FRY: variants seen among roughly 807,000 people sequenced by gnomAD.
FRY encodes FRY microtubule binding protein.
In FRY, 128 loss-of-function variants were observed where a neutral mutation model predicts 348.4. The ratio of observed to expected loss-of-function variants is 0.37; its 90% CI spans 0.32 to 0.43. The LOEUF (loss-of-function observed/expected upper bound fraction) is 0.43, where lower values mean the gene tolerates loss of function less well. Ranked by LOEUF, FRY falls within the 20% of genes least tolerant of loss-of-function variation. The pLI is 1.00. For synonymous variants in FRY, 1,370 were observed against 1,374.7 expected, an observed-to-expected ratio of 1.00 and a Z score of 0.08; for missense variants, 2,736 against 3,695.2, an observed-to-expected ratio of 0.74 and a Z score of 6.73.
intron 59 of FRY, among the ~76,000 whole-genome samples, chr13:32,291,055 G>A (rs1889324178): frequency 6.6e-6 from 1 of 152,044 alleles, no homozygotes. Context: ...GGTCAGGGGA[G>A]AGATCTGAAC....
At chr13:32,112,478 A>G (rs1334936515) in intron 3 of FRY, among the ~76,000 whole-genome samples, 1 of 152,190 alleles carries the variant, frequency 6.6e-6, no homozygotes, top group Admixed American at 6.5e-5. Flanking sequence ...ACCCAAGACC[A>G]TTTGATCATC....
intron 33 of FRY, among the ~76,000 whole-genome samples, chr13:32,210,149 C>A (rs915668893): frequency 6.6e-6 from 1 of 152,186 alleles, no homozygotes; most frequent in Non-Finnish European, 1.5e-5. Flanking sequence ...GCAGGTTTTT[C>A]TCTTCAAATT....
chr13:32,038,119 G>C (rs1872610563), intron 1 of FRY, among the ~76,000 whole-genome samples: 2 of 152,114 alleles, frequency 1.3e-5, no homozygotes. Context: ...AAATGCTCCT[G>C]GTTTAGAATA....
At chr13:32,051,890 G>A (rs1873353839) in intron 1 of FRY, among the ~76,000 whole-genome samples, 1 of 152,202 alleles carries the variant, frequency 6.6e-6, no homozygotes. Flanking sequence ...ATCATAACAT[G>A]GATGATATGG....
At chr13:32,122,445 A>C (rs1878726341) in intron 4 of FRY, among the ~76,000 whole-genome samples, 1 of 150,332 alleles carries the variant, frequency 6.7e-6, no homozygotes, top group African/African-American at 2.5e-5. Context: ...CCGCCTCAGA[A>C]AAAAAAAAAG....
chr13:32,076,821 A>G (rs1029286565), intron 1 of FRY, among the ~76,000 whole-genome samples: 3 of 152,046 alleles, frequency 2.0e-5, no homozygotes, highest in East Asian at 3.9e-4. Context: ...AGAAGAGTAT[A>G]TGGTTTAATT....
chr13:32,253,173 A>T (rs1887169560), intron 50 of FRY, among the ~76,000 whole-genome samples: 1 of 152,058 alleles, frequency 6.6e-6, no homozygotes, highest in African/African-American at 2.4e-5. Flanking sequence ...CAGAAATCTC[A>T]TGTCTCGTCT....
At chr13:32,252,780 C>T (rs894975730) in intron 50 of FRY, among the ~76,000 whole-genome samples, 1 of 152,036 alleles carries the variant, frequency 6.6e-6, no homozygotes, top group Admixed American at 6.5e-5. Context: ...TGCTAAAGTA[C>T]AAAGTGATAT....
intron 1 of FRY, among the ~76,000 whole-genome samples, chr13:32,068,452 C>T (rs559184847): frequency 2.0e-5 from 3 of 152,188 alleles, no homozygotes; most frequent in South Asian, 2.1e-4. Context: ...CCTTTGCGCA[C>T]GGATCTTGGC....
intron 2 of FRY, among the ~76,000 whole-genome samples, chr13:32,101,194 G>T (rs773592360): frequency 2.6e-5 from 4 of 152,004 alleles, no homozygotes; most frequent in Non-Finnish European, 5.9e-5. Context: ...TTGATTTCAG[G>T]TTTATGTGAG....
At chr13:32,121,435 G>A (rs1353477086) in intron 4 of FRY, among the ~76,000 whole-genome samples, 1 of 152,040 alleles carries the variant, frequency 6.6e-6, no homozygotes, top group Non-Finnish European at 1.5e-5. Context: ...CAACATCTAC[G>A]GGTTTTTTTG....
chr13:32,265,332 G>T, intron 53 of FRY, 118 bp from the exon 54 acceptor site: 1 of 954,076 alleles, frequency 1.0e-6, no homozygotes. Flanking sequence ...GAAAACAAAT[G>T]TCCCCATTTC....
At chr13:32,294,716 C>T (rs1274770158) in intron 60 of FRY, 146 bp downstream of exon 60, 10 of 709,806 alleles carry the variant, frequency 1.4e-5, no homozygotes, top group Non-Finnish European at 2.5e-5. Context: ...ACCAGAAACA[C>T]TCAGCTTTCA....
chr13:32,066,597 T>C (rs9533342), intron 1 of FRY, among the ~76,000 whole-genome samples: 9,194 of 152,280 alleles, frequency 0.06, 293 homozygotes, highest in Middle Eastern at 0.095. Flanking sequence ...TTGTGTAAGA[T>C]GTAGGATCTT....
At chr13:32,188,512 TAA>T (rs1239421788) in intron 28 of FRY, among the ~76,000 whole-genome samples, 1 of 152,170 alleles carries the variant, frequency 6.6e-6, no homozygotes, top group African/African-American at 2.4e-5. Context: ...GACTTTCTGG[TAA>T]AGTTCTCCCA....
intron 3 of FRY, among the ~76,000 whole-genome samples, chr13:32,108,170 A>G (rs921381454): frequency 2.0e-5 from 3 of 152,172 alleles, no homozygotes; most frequent in Non-Finnish European, 4.4e-5. Flanking sequence ...ATAGGCCTGC[A>G]TGTGTAAGAA....
At chr13:32,133,776 T>TC (rs1308099484) in intron 8 of FRY, among the ~76,000 whole-genome samples, 3 of 140,460 alleles carry the variant, frequency 2.1e-5, no homozygotes, top group Non-Finnish European at 4.7e-5. Context: ...TTCTTTTTTT[T>TC]TTTTTTTTTT....
At chr13:32,266,055 A>G (rs1887912210) in intron 54 of FRY, among the ~76,000 whole-genome samples, 1 of 150,374 alleles carries the variant, frequency 6.7e-6, no homozygotes, top group South Asian at 2.1e-4. Context: ...CTAGTGAGAT[A>G]TAGAAACAGA....
At chr13:32,078,523 A>G (rs1348343528) in intron 1 of FRY, among the ~76,000 whole-genome samples, 1 of 152,202 alleles carries the variant, frequency 6.6e-6, no homozygotes, top group African/African-American at 2.4e-5. Flanking sequence ...TTTCCGTAGA[A>G]CCAAAAAAAT....
Sources: gnomAD v4.1 joint callset for allele counts (sites outside exome capture counted in the v4.1 genomes callset) on GRCh38, gnomAD v4.1.1 for gene constraint, MANE v1.5 for transcripts, NCBI Gene and HGNC (gene_info 2026-07-23, HGNC 2026-07-21) for gene names.